The following KLHL5 variants were observed in gnomAD, a reference collection of about 807,000 sequenced individuals.
KLHL5 encodes the protein kelch like family member 5, also known as kelch-like protein 5.
In KLHL5, 48 loss-of-function variants were observed where a neutral mutation model predicts 77.7. That is an observed-to-expected ratio of 0.62 (90% CI 0.49 to 0.79). The LOEUF (loss-of-function observed/expected upper bound fraction) is 0.79. Among genes scored for constraint, KLHL5 ranks in the 30% least tolerant of loss-of-function variants. The pLI is 0.00. For missense variants in KLHL5, 723 were observed against 859.7 expected, an observed-to-expected ratio of 0.84 and a Z score of 1.99; for synonymous variants, 260 against 297.0, an observed-to-expected ratio of 0.88 and a Z score of 1.28.
chr4:39,066,071 TAA>T (rs1717873776), intron 1 of KLHL5, among the ~76,000 whole-genome samples: 1 of 152,240 alleles, frequency 6.6e-6, no homozygotes, highest in African/African-American at 2.4e-5. Context: ...CTAAGTGATT[TAA>T]AAGTTTCTTG....
chr4:39,063,455 G>T, intron 1 of KLHL5: 1 of 292,462 alleles, frequency 3.4e-6, no homozygotes, highest in South Asian at 3.1e-5. Flanking sequence ...TTAATTTAAT[G>T]AAAAGGAAAG....
At chr4:39,076,874 A>T (rs1577673790) in intron 2 of KLHL5, among the ~76,000 whole-genome samples, 1 of 151,996 alleles carries the variant, frequency 6.6e-6, no homozygotes, top group East Asian at 1.9e-4. Flanking sequence ...CAAAGACTTC[A>T]TGACCAATAA....
chr4:39,094,820 C>G (rs1720909041), intron 5 of KLHL5, among the ~76,000 whole-genome samples: 1 of 151,944 alleles, frequency 6.6e-6, no homozygotes, highest in African/African-American at 2.4e-5. Flanking sequence ...TAAAAATGCT[C>G]CTCCACTCAT....
At chr4:39,128,858 C>T (rs1044373148), downstream of KLHL5, among the ~76,000 whole-genome samples, 1 of 151,996 alleles carries the variant, frequency 6.6e-6, no homozygotes, top group African/African-American at 2.4e-5. Context: ...CCCAGCTACT[C>T]AGGAGGCAGA....
intron 1 of KLHL5, among the ~76,000 whole-genome samples, chr4:39,074,491 T>A (rs1718818955): frequency 6.6e-6 from 1 of 152,218 alleles, no homozygotes; most frequent in South Asian, 2.1e-4. Context: ...TTAGCCACTT[T>A]AAGGTGAACT....
Position 39,076,069 on chromosome 4 carries a change from A to T in KLHL5, c.488A>T (p.Lys163Ile). The T allele has an allele frequency of 6.2e-7, 1 of 1,608,498 alleles. No homozygotes were observed. Among genetic ancestry groups the T allele is most frequent in the Non-Finnish European group, 8.5e-7 (1 of 1,178,658 alleles). Residue 163 changes from lysine to isoleucine, a missense_variant, in exon 2 of 11, where the codon AAA (lysine) becomes ATA (isoleucine). This residue lies in a region of KLHL5 where 221 missense variants were observed against 222.1 expected (regional missense o/e 1.00). Transcript: ENST00000504108. ...AATCATGCCGAGCAAACATTTAAAAAAATGGAAAACTATTTGAGACATAAA... is the reference window on the plus strand; with the variant it reads ...AATCATGCCGAGCAAACATTTAAAATAATGGAAAACTATTTGAGACATAAA... Reference protein sequence around the residue: ...ALNHAEQTFKKMENYLRHKQL... With the variant: ...ALNHAEQTFKIMENYLRHKQL...
chr4:39,125,887 A>C lies in KLHL5; in HGVS notation c.*4821A>C, dbSNP rs992173922. 6.6e-6 allele frequency among the ~76,000 whole-genome samples: 1 copy of C among 152,252 alleles called. No individual in the cohort carries two copies. The highest frequency in any genetic ancestry group is 2.4e-5 in the African/African-American group (1 of 41,460). Reference sequence around the variant, plus strand: ...CATTATGTTATGATACTTAAATGTCATAACAATAGCATTCTGTACGCTTCA... The same window carrying C: ...CATTATGTTATGATACTTAAATGTCCTAACAATAGCATTCTGTACGCTTCA... On this transcript the variant is annotated 3_prime_UTR_variant, in exon 11 of 11. Coordinates refer to ENST00000504108, the MANE Select transcript of KLHL5 (RefSeq NM_015990.5).
intron 1 of KLHL5, among the ~76,000 whole-genome samples, chr4:39,073,951 G>A (rs1202603295): frequency 1.3e-5 from 2 of 151,396 alleles, no homozygotes; most frequent in African/African-American, 2.4e-5. Flanking sequence ...TAGTACCTGC[G>A]AAATCTTCAA....
upstream of KLHL5, among the ~76,000 whole-genome samples, chr4:39,057,715 T>C (rs1007247530): frequency 6.6e-6 from 1 of 152,148 alleles, no homozygotes; most frequent in African/African-American, 2.4e-5. Flanking sequence ...TGGGTTAGTA[T>C]GGTAAAATTC....
In KLHL5 at chr4:39,086,721, A is replaced by G; in HGVS notation, c.1107A>G (p.Ala369=). Residue 369 remains alanine, a synonymous_variant, in exon 5 of 11, where the codon GCA becomes GCG. Coordinates refer to ENST00000504108, the MANE Select transcript of KLHL5 (RefSeq NM_015990.5). The stretch of plus-strand genomic sequence containing the variant: ...CTTATATTAGGCTACCTCTTCTTGC[A>G]CCACAGGTAATTAATAGGCACTTGT... ...LLAYIRLPLL[A]PQFLADMENN... is the part of the protein sequence containing the mutation. 1.2e-6 allele frequency: 2 copies of G among 1,611,024 alleles called. No individual in the cohort carries two copies. Among genetic ancestry groups the G allele is most frequent in the Non-Finnish European group, 8.5e-7 (1 of 1,177,338 alleles).
chr4:39,081,142 G>A lies in KLHL5; in HGVS notation c.606G>A (p.Met202Ile), dbSNP rs758453799. The stretch of plus-strand genomic sequence containing the variant: ...CTGTCTCAGACTATTTTGCTGCCAT[G>A]TTTACTAATGATGTCAGAGAGGCAA... ...LSSVSDYFAA[M>I]FTNDVREARQ... The change falls in exon 3 of 11, where the codon ATG becomes ATA. Residue 202 changes from methionine (M) to isoleucine (I), a missense_variant. Met to Ile is a conservative substitution (Grantham distance 10). Transcript: ENST00000504108. This position sits in a 1 kb window ranked among gnomAD's most constrained non-coding sequence, Gnocchi z 4.3. The A allele has an allele frequency of 6.2e-7, 1 of 1,612,470 alleles. No homozygotes were observed. Among genetic ancestry groups the A allele is most frequent in the Non-Finnish European group, 8.5e-7 (1 of 1,179,532 alleles).
Position 39,062,934 on chromosome 4 carries a change from GT to G in KLHL5, c.285del (p.Phe95LeufsTer74), listed in dbSNP as rs1717566650. The G allele has an allele frequency of 6.2e-7, 1 of 1,614,032 alleles. No homozygotes were observed. Among genetic ancestry groups the G allele is most frequent in the Admixed American group, 1.7e-5 (1 of 59,996 alleles). ...CCACCTCTGAAGTCCCTGCATTTGA[GT>G]TTACAGCAGAAGATTGTGGCGGTGC... is the stretch of plus-strand genomic sequence containing the variant. ...ASTSEVPAFE[F>X]TAEDCGGAHW... On this transcript the variant is annotated frameshift_variant, in exon 1 of 11. Coordinates refer to ENST00000504108, the MANE Select transcript of KLHL5 (RefSeq NM_015990.5). LOFTEE classifies it high-confidence loss of function.
Position 39,081,847 on chromosome 4 carries a change from G to T in KLHL5, c.704-116G>T. 1.5e-6 allele frequency: 1 copy of T among 665,830 alleles called. No homozygotes were observed. The highest frequency in any genetic ancestry group is 2.4e-6 in the Non-Finnish European group (1 of 424,566). The allele number at this position is 665,830 out of a possible 1,614,324, so 41.2% of individuals were successfully genotyped here. ...TTTTTGGGATGTCTTAAACCATGTA[G>T]GTCTGTAATGCATGTAATGAGCTCT... On this transcript the variant is annotated intron_variant, in intron 3 of 10. Coordinates refer to ENST00000504108, the MANE Select transcript of KLHL5 (RefSeq NM_015990.5). The surrounding 1 kb of genome is among the most constrained non-coding windows in gnomAD (Gnocchi z 4.3).
At chr4:39,047,492 G>A (rs981560697) in intron 1 of KLHL5, among the ~76,000 whole-genome samples, 2 of 152,236 alleles carry the variant, frequency 1.3e-5, no homozygotes, top group African/African-American at 4.8e-5. Context: ...GAGGTTTAAT[G>A]AGAATTGGAA....
upstream of KLHL5, among the ~76,000 whole-genome samples, chr4:39,059,631 C>T (rs190369845): frequency 6.6e-6 from 1 of 152,076 alleles, no homozygotes; most frequent in East Asian, 1.9e-4. Flanking sequence ...GCATGTAATC[C>T]CAGCTACTCA....
chr4:39,062,828 T>C lies in KLHL5; in HGVS notation c.176T>C (p.Leu59Pro). The C allele has an allele frequency of 6.2e-7, 1 of 1,614,158 alleles. No homozygotes were observed. ...GGRKFLDPCS[L>P]QLPLASIGYR... ...AGAAAGTTTTTAGATCCATGTAGCCTACAATTGCCTTTGGCTTCAATTGGT... is the reference window on the plus strand; with the variant it reads ...AGAAAGTTTTTAGATCCATGTAGCCCACAATTGCCTTTGGCTTCAATTGGT... Residue 59 changes from leucine to proline, a missense_variant, in exon 1 of 11, where the codon CTA (leucine) becomes CCA (proline). Physicochemically the swap from Leu to Pro is moderately conservative, Grantham distance 98 (BLOSUM62 -3). Transcript: ENST00000504108.
intron 1 of KLHL5, among the ~76,000 whole-genome samples, chr4:39,052,658 A>G (rs1332755290): frequency 2.6e-5 from 4 of 152,204 alleles, no homozygotes; most frequent in Non-Finnish European, 5.9e-5. Flanking sequence ...ATAAGAGAGG[A>G]TTTAGACTTG....
downstream of KLHL5, among the ~76,000 whole-genome samples, chr4:39,131,745 G>A (rs1362468595): frequency 2.6e-5 from 4 of 151,912 alleles, no homozygotes; most frequent in African/African-American, 7.3e-5. Context: ...AAAATTAGCC[G>A]GGTGTGGTGG....
At chr4:39,056,529 G>T (rs1025444106) in intron 1 of KLHL5, among the ~76,000 whole-genome samples, 4 of 152,132 alleles carry the variant, frequency 2.6e-5, no homozygotes, top group Non-Finnish European at 5.9e-5. Flanking sequence ...CAAACTATAA[G>T]TTTTTTTAAT....
Sources: allele counts gnomAD v4.1 joint callset (sites outside exome capture counted in the v4.1 genomes callset), GRCh38; gene constraint gnomAD v4.1.1; regional missense constraint gnomAD v4.1.1; non-coding constraint Gnocchi (gnomAD v3.1); transcripts MANE v1.5; gene names NCBI Gene and HGNC (gene_info 2026-07-23, HGNC 2026-07-21).